Variants in CAMKMT observed in about 807,000 individuals in gnomAD.
CAMKMT encodes the protein calmodulin-lysine N-methyltransferase, also known as CaM KMT.
CAMKMT carries 53 observed loss-of-function variants against 48.0 expected under a neutral mutation model. The ratio of observed to expected loss-of-function variants is 1.10; its 90% confidence interval spans 0.89 to 1.39. The LOEUF (loss-of-function observed/expected upper bound fraction) is 1.39, where lower values mean the gene tolerates loss of function less well. CAMKMT is among the 40% of genes most tolerant of loss of function. The pLI, the probability that CAMKMT is intolerant of heterozygous loss-of-function variation, is 0.00. For missense variants in CAMKMT, 428 were observed against 402.7 expected (o/e 1.06, Z -0.54); for synonymous variants, 165 against 152.3 (o/e 1.08, Z -0.61).
At chr2:44,540,963 A>G (rs2341457) in intron 3 of CAMKMT, among the ~76,000 whole-genome samples, 66,201 of 152,102 alleles carry the variant, frequency 0.44, 17,241 homozygotes, top group Non-Finnish European at 0.59. Flanking sequence ...ATCATTTACC[A>G]AAAAGTTCAT....
chr2:44,585,560 T>C (rs1669811355), intron 3 of CAMKMT, among the ~76,000 whole-genome samples: 1 of 152,210 alleles, frequency 6.6e-6, no homozygotes, highest in East Asian at 1.9e-4. Context: ...AATTTCTGTG[T>C]CATGCATAAA....
Position 44,390,367 on chromosome 2 carries a change from G to C in CAMKMT, c.376+62G>C, listed in dbSNP as rs946290489. The C allele has an allele frequency of 2.8e-5, 34 of 1,207,042 alleles. No homozygotes were observed. The African/African-American group carries it at 5.0e-4, about 18-fold the overall frequency. The allele number at this position is 1,207,042 out of a possible 1,614,324, so 74.8% of individuals were successfully genotyped here. A position where few individuals can be genotyped will look rare whatever the true frequency, so the allele number is the denominator to read the frequency against. ...TGTTTTACAAAGTGAATTTATAGTT[G>C]ATGTTTTCTTCTCACTAATATTTAT... On this transcript the variant is annotated intron_variant, in intron 3 of 10. Transcript: ENST00000378494.
At chr2:44,761,323 C>A (rs937091550) in intron 9 of CAMKMT, among the ~76,000 whole-genome samples, 4 of 152,136 alleles carry the variant, frequency 2.6e-5, no homozygotes, top group African/African-American at 9.7e-5. Context: ...ATGAGGTTGG[C>A]CTGACTAGAG....
intron 3 of CAMKMT, among the ~76,000 whole-genome samples, chr2:44,634,746 A>G (rs1282306317): frequency 2.8e-5 from 4 of 142,206 alleles, no homozygotes; most frequent in Non-Finnish European, 6.1e-5. Flanking sequence ...GGGTAGAAGT[A>G]TTTATGAAGC....
intron 8 of CAMKMT, among the ~76,000 whole-genome samples, chr2:44,750,156 T>TC (rs1009962925): frequency 2.0e-5 from 3 of 152,030 alleles, no homozygotes; most frequent in East Asian, 1.9e-4. Context: ...CTTTTTTTTT[T>TC]TCTCTCTCTC....
chr2:44,597,500 A>G (rs1274117640), intron 3 of CAMKMT, among the ~76,000 whole-genome samples: 4 of 152,174 alleles, frequency 2.6e-5, no homozygotes, highest in African/African-American at 7.2e-5. Context: ...AATGTGGTAG[A>G]TGGTGTGTAA....
At chr2:44,505,472 C>T (rs1397608513) in intron 3 of CAMKMT, among the ~76,000 whole-genome samples, 1 of 152,062 alleles carries the variant, frequency 6.6e-6, no homozygotes, top group African/African-American at 2.4e-5. Context: ...AGCTCTAGGT[C>T]CTGAAAACTT....
chr2:44,570,897 C>G (rs1259007466), intron 3 of CAMKMT, among the ~76,000 whole-genome samples: 2 of 152,118 alleles, frequency 1.3e-5, no homozygotes, highest in Admixed American at 6.5e-5. Context: ...ATTTTAGCTT[C>G]AAAAGACAGT....
At chr2:44,483,340 A>C (rs564500131) in intron 3 of CAMKMT, among the ~76,000 whole-genome samples, 1 of 152,244 alleles carries the variant, frequency 6.6e-6, no homozygotes, top group South Asian at 2.1e-4. Flanking sequence ...ACAGTTATTA[A>C]ACTTTACTAT....
chr2:44,369,729 C>T (rs893321553), intron 1 of CAMKMT: 6 of 152,152 alleles, frequency 3.9e-5, no homozygotes, highest in African/African-American at 1.4e-4. Context: ...TAGAAGCAAC[C>T]AGGAGAAGTG....
intron 3 of CAMKMT, among the ~76,000 whole-genome samples, chr2:44,600,297 C>G (rs1018341579): frequency 6.6e-6 from 1 of 151,724 alleles, no homozygotes; most frequent in African/African-American, 2.4e-5. Context: ...GACAGAGTGT[C>G]GCTCTGTTGC....
intron 3 of CAMKMT, among the ~76,000 whole-genome samples, chr2:44,443,683 G>T (rs1444807882): frequency 6.6e-6 from 1 of 152,170 alleles, no homozygotes; most frequent in Non-Finnish European, 1.5e-5. Context: ...CTGGCTGGCT[G>T]TGACATTGAA....
intron 3 of CAMKMT, among the ~76,000 whole-genome samples, chr2:44,610,557 C>G (rs1213440339): frequency 6.6e-6 from 1 of 152,082 alleles, no homozygotes; most frequent in African/African-American, 2.4e-5. Context: ...GTCAGTATGA[C>G]CAAAATAATG....
At chr2:44,535,265 C>T (rs989197842) in intron 3 of CAMKMT, among the ~76,000 whole-genome samples, 1 of 152,070 alleles carries the variant, frequency 6.6e-6, no homozygotes, top group Admixed American at 6.6e-5. Flanking sequence ...AGTCTCCCAA[C>T]AAAGAAAAGC....
intron 3 of CAMKMT, among the ~76,000 whole-genome samples, chr2:44,679,484 G>A (rs1399576276): frequency 6.6e-6 from 1 of 152,180 alleles, no homozygotes; most frequent in East Asian, 1.9e-4. Context: ...TACTAGTCAG[G>A]CTTCTAGATG....
intron 3 of CAMKMT, among the ~76,000 whole-genome samples, chr2:44,529,885 A>G (rs1666387935): frequency 6.6e-6 from 1 of 152,246 alleles, no homozygotes; most frequent in African/African-American, 2.4e-5. Context: ...AGCAGTAGTG[A>G]TCTAGAAATT....
At chr2:44,551,990 T>C (rs1272592818) in intron 3 of CAMKMT, among the ~76,000 whole-genome samples, 1 of 152,114 alleles carries the variant, frequency 6.6e-6, no homozygotes, top group African/African-American at 2.4e-5. Context: ...TTTTTTTTAG[T>C]TTTCATTTTT....
chr2:44,706,517 G>A (rs940424086), intron 5 of CAMKMT, among the ~76,000 whole-genome samples, 176 bp downstream of exon 5: 1 of 152,048 alleles, frequency 6.6e-6, no homozygotes, highest in Non-Finnish European at 1.5e-5. Context: ...TTTTATGGTT[G>A]CCTCGATGAG....
chr2:44,527,404 C>CATATAATATATAATATATAT (rs1666197220), intron 3 of CAMKMT, among the ~76,000 whole-genome samples: 16 of 128,322 alleles, frequency 1.2e-4, no homozygotes, highest in African/African-American at 4.4e-4. Flanking sequence ...TATGTATATA[C>CATATAATATATAATATATAT]GTATATATAT....
Sources: allele counts gnomAD v4.1 joint callset (sites outside exome capture counted in the v4.1 genomes callset), GRCh38; gene constraint gnomAD v4.1.1; transcripts MANE v1.5; gene names NCBI Gene and HGNC (gene_info 2026-07-23, HGNC 2026-07-21).